Variants in NAV2 observed in about 807,000 individuals in gnomAD.
NAV2 encodes the protein neuron navigator 2, also known as helicase, APC down-regulated 1.
A neutral mutation model predicts 223.2 loss-of-function variants in NAV2; 54 were observed. The ratio of observed to expected loss-of-function variants is 0.24; its 90% CI spans 0.19 to 0.30. NAV2 has a LOEUF of 0.30. Among genes scored for constraint, NAV2 ranks in the 10% least tolerant of loss-of-function variants. The pLI is 1.00. For synonymous variants in NAV2, 1,279 were observed against 1,239.3 expected (o/e 1.03, Z -0.67); for missense variants, 2,806 against 3,147.5 (o/e 0.89, Z 2.60).
At chr11:20,044,895 G>A (rs1284302473) in intron 13 of NAV2, 73 bp from the exon 14 acceptor site, 8 of 1,272,910 alleles carry the variant, frequency 6.3e-6, no homozygotes, top group Non-Finnish European at 7.6e-6. Flanking sequence ...CAGAGGAGGA[G>A]AGCATCTTAA....
At chr11:19,349,441 G>A (rs77556847), upstream of NAV2, among the ~76,000 whole-genome samples, 886 of 152,236 alleles carry the variant, frequency 5.8e-3, 20 homozygotes, top group East Asian at 0.048. Flanking sequence ...GGATGGCTTC[G>A]GCCTTATTCC....
chr11:20,049,395 T>G (rs2057760631), intron 15 of NAV2, 200 bp downstream of exon 15: 1 of 572,334 alleles, frequency 1.7e-6, no homozygotes, highest in Non-Finnish European at 3.0e-6. Flanking sequence ...CCTCTGTGGT[T>G]ATTTTTGGTG....
At chr11:19,930,931 G>A (rs914941097) in intron 6 of NAV2, among the ~76,000 whole-genome samples, 8 of 152,280 alleles carry the variant, frequency 5.3e-5, no homozygotes, top group Middle Eastern at 3.4e-3. Flanking sequence ...AGTAGAATGC[G>A]CAGTTCCTAA....
intron 29 of NAV2, among the ~76,000 whole-genome samples, chr11:20,094,082 A>G (rs564890346): frequency 2.0e-5 from 3 of 152,202 alleles, no homozygotes; most frequent in South Asian, 2.1e-4. Context: ...TAGCCTCACT[A>G]TAGGGGGTAA....
chr11:19,702,405 G>C (rs1358464804), intron 1 of NAV2, among the ~76,000 whole-genome samples: 1 of 152,204 alleles, frequency 6.6e-6, no homozygotes, highest in East Asian at 1.9e-4. Flanking sequence ...TGAAAAAGGA[G>C]AGGGCAGAGA....
intron 5 of NAV2, among the ~76,000 whole-genome samples, chr11:19,883,187 TG>T (rs931661546): frequency 4.6e-5 from 7 of 152,168 alleles, no homozygotes; most frequent in Non-Finnish European, 1.0e-4. Flanking sequence ...TCAGCACCCC[TG>T]GGGGGTAGCA....
intron 20 of NAV2, among the ~76,000 whole-genome samples, chr11:20,065,999 C>T (rs561127073): frequency 4.6e-5 from 7 of 152,318 alleles, no homozygotes; most frequent in Non-Finnish European, 1.0e-4. Context: ...CCAGCTGTGA[C>T]CCTGGACAAA....
intron 1 of NAV2, among the ~76,000 whole-genome samples, chr11:19,586,784 C>T (rs945938439): frequency 2.0e-5 from 3 of 152,206 alleles, no homozygotes; most frequent in African/African-American, 7.2e-5. Context: ...GTCAGTCTGC[C>T]CCTACTGGGG....
At chr11:19,909,774 C>T (rs78351509) in intron 6 of NAV2, among the ~76,000 whole-genome samples, 11 of 152,188 alleles carry the variant, frequency 7.2e-5, no homozygotes, top group African/African-American at 1.7e-4. Flanking sequence ...TGACATCAGA[C>T]GAAGTAATAG....
chr11:19,400,084 AG>A (rs1314254322), intron 1 of NAV2, among the ~76,000 whole-genome samples: 2 of 152,232 alleles, frequency 1.3e-5, no homozygotes, highest in Non-Finnish European at 2.9e-5. Flanking sequence ...GGAAGCTGTA[AG>A]TCTTTCGGGG....
intron 1 of NAV2, among the ~76,000 whole-genome samples, chr11:19,799,785 C>A (rs946306983): frequency 2.0e-5 from 3 of 152,054 alleles, no homozygotes; most frequent in African/African-American, 7.2e-5. Context: ...AACCCACCAC[C>A]CCCCACACCT....
At chr11:19,477,241 C>A (rs1163485477) in intron 1 of NAV2, among the ~76,000 whole-genome samples, 1 of 152,152 alleles carries the variant, frequency 6.6e-6, no homozygotes, top group Non-Finnish European at 1.5e-5. Flanking sequence ...TAAAACCTGT[C>A]ATATTTATGG....
intron 9 of NAV2, among the ~76,000 whole-genome samples, chr11:19,947,458 T>G (rs554580984): frequency 6.6e-6 from 1 of 152,228 alleles, no homozygotes; most frequent in Non-Finnish European, 1.5e-5. Flanking sequence ...ATATTGGATC[T>G]TGTGACTCTA....
intron 1 of NAV2, among the ~76,000 whole-genome samples, chr11:19,560,817 C>T (rs2045068758): frequency 6.6e-6 from 1 of 152,182 alleles, no homozygotes. Context: ...AGAAGAAATG[C>T]TCATGTCAGT....
At chr11:19,894,441 G>A (rs2041783794) in intron 6 of NAV2, among the ~76,000 whole-genome samples, 1 of 152,200 alleles carries the variant, frequency 6.6e-6, no homozygotes, top group African/African-American at 2.4e-5. Flanking sequence ...TCATAAAAGA[G>A]TCTGAAAGAT....
At chr11:19,759,602 G>A (rs986935920) in intron 1 of NAV2, among the ~76,000 whole-genome samples, 19 of 152,262 alleles carry the variant, frequency 1.2e-4, no homozygotes, top group Admixed American at 4.6e-4. Flanking sequence ...AACATGGAGC[G>A]GGGCCTCTGG....
intron 1 of NAV2, among the ~76,000 whole-genome samples, chr11:19,530,423 A>G (rs868664873): frequency 1.3e-5 from 2 of 152,232 alleles, no homozygotes; most frequent in East Asian, 3.8e-4. Flanking sequence ...CTTTACACGC[A>G]TATCATGCAC....
intron 10 of NAV2, among the ~76,000 whole-genome samples, chr11:19,968,474 C>T (rs1168941645): frequency 6.6e-6 from 1 of 152,170 alleles, no homozygotes; most frequent in Non-Finnish European, 1.5e-5. Flanking sequence ...CCCACCTCGG[C>T]CTCCCAGAAT....
rs1455111199 is a variant in NAV2 at position 19,889,020 on chromosome 11, C to T, written c.771-3414C>T. Reference sequence around the variant, plus strand: ...AAGATTGAGCATTCTAGCTCTGCCTCTTTCAGTTTGTAGAAAGTCCAGTGG... The same window carrying T: ...AAGATTGAGCATTCTAGCTCTGCCTTTTTCAGTTTGTAGAAAGTCCAGTGG... On this transcript the variant is annotated intron_variant, in intron 5 of 37. Coordinates refer to ENST00000349880, the MANE Select transcript of NAV2 (RefSeq NM_145117.5). Among the ~76,000 whole-genome samples, 4 of 152,340 alleles carry T rather than the reference C, an allele frequency of 2.6e-5. No individual in the cohort carries two copies. The East Asian group carries it at 7.7e-4, about 29-fold the overall frequency.
Sources: allele counts gnomAD v4.1 joint callset (sites outside exome capture counted in the v4.1 genomes callset), GRCh38; gene constraint gnomAD v4.1.1; transcripts MANE v1.5; gene names NCBI Gene and HGNC (gene_info 2026-07-23, HGNC 2026-07-21).